PRKCE: variants seen among roughly 807,000 people sequenced by gnomAD.
PRKCE encodes the protein protein kinase C epsilon.
In PRKCE, 16 loss-of-function variants were observed where a neutral mutation model predicts 85.4. The observed-to-expected ratio is 0.19, with a 90% CI of 0.13 to 0.28. The LOEUF (loss-of-function observed/expected upper bound fraction) is 0.28. Among genes scored for constraint, PRKCE ranks in the 10% least tolerant of loss-of-function variants. PRKCE has a pLI of 1.00. For missense variants in PRKCE, 573 were observed against 975.2 expected, an observed-to-expected ratio of 0.59 and a Z score of 5.49; for synonymous variants, 388 against 371.5, an observed-to-expected ratio of 1.04 and a Z score of -0.51.
At chr2:45,712,911 G>A (rs1679788032) in intron 1 of PRKCE, among the ~76,000 whole-genome samples, 1 of 152,148 alleles carries the variant, frequency 6.6e-6, no homozygotes, top group Non-Finnish European at 1.5e-5. Flanking sequence ...CCTCTTTGAG[G>A]CTGAAAGTAT....
intron 1 of PRKCE, among the ~76,000 whole-genome samples, chr2:45,822,221 C>T (rs1240702032): frequency 2.0e-5 from 3 of 152,222 alleles, no homozygotes; most frequent in Admixed American, 6.5e-5. Context: ...CTAAATGTTC[C>T]TGTCACCTCC....
chr2:46,050,331 G>C (rs879860137), intron 10 of PRKCE, among the ~76,000 whole-genome samples: 1 of 152,252 alleles, frequency 6.6e-6, no homozygotes, highest in African/African-American at 2.4e-5. Flanking sequence ...GAAGCTGTCA[G>C]GGTTTATTTG....
rs1259680268 is a variant in PRKCE, at chr2:46,041,722, A to G, written c.1437+31205A>G. Among the ~76,000 whole-genome samples the G allele has an allele frequency of 2.6e-5, 4 of 152,238 alleles. No individual in the cohort carries two copies. Among genetic ancestry groups the G allele is most frequent in the African/African-American group, 7.2e-5 (3 of 41,458 alleles). On this transcript the variant is annotated intron_variant, in intron 10 of 14. Transcript: ENST00000306156. The surrounding 1 kb of genome is among the most constrained non-coding windows in gnomAD (Gnocchi z 5.5). ...TGAATACCTCTCCATATGCGTCATG[A>G]CAAAATACTGTATAGATCAGTTTAC... is the stretch of plus-strand genomic sequence containing the variant.
At chr2:45,922,703 G>A (rs1191831226) in intron 2 of PRKCE, among the ~76,000 whole-genome samples, 2 of 152,216 alleles carry the variant, frequency 1.3e-5, no homozygotes, top group South Asian at 2.1e-4. Context: ...CTTTAATAGA[G>A]ACGTGTGAGC....
chr2:46,082,912 T>A (rs1669230337), intron 10 of PRKCE, among the ~76,000 whole-genome samples: 2 of 152,200 alleles, frequency 1.3e-5, no homozygotes, highest in Non-Finnish European at 2.9e-5. Flanking sequence ...AATTTAACCT[T>A]CATGAGAATT....
intron 10 of PRKCE, among the ~76,000 whole-genome samples, chr2:46,062,668 CTTT>C (rs71394871): frequency 6.8e-5 from 5 of 73,258 alleles, no homozygotes; most frequent in Non-Finnish European, 1.2e-4. Flanking sequence ...AAAGCTCAGC[CTTT>C]TTTTTTTTTT....
chr2:45,781,088 T>C (rs1416901737), intron 1 of PRKCE, among the ~76,000 whole-genome samples: 2 of 152,068 alleles, frequency 1.3e-5, no homozygotes, highest in Non-Finnish European at 2.9e-5. Flanking sequence ...ATCCCAGCAC[T>C]TTGGGAGGCT....
At chr2:45,992,864 G>C (rs925715946) in intron 6 of PRKCE, among the ~76,000 whole-genome samples, 2 of 147,876 alleles carry the variant, frequency 1.4e-5, no homozygotes, top group African/African-American at 5.2e-5. Context: ...ACCCCAGTGT[G>C]TCCCCAGACA....
Position 45,661,539 on chromosome 2 carries a change from T to TG in PRKCE, c.348+9091_348+9092insG, listed in dbSNP as rs796601434. Among the ~76,000 whole-genome samples, 597 of 141,766 alleles carry TG rather than the reference T, an allele frequency of 4.2e-3. 3 individuals carry two copies. Among genetic ancestry groups the TG allele is most frequent in the African/African-American group, 0.014 (553 of 38,366 alleles). The allele number at this position is 141,766 out of a possible 152,430, so 93.0% of individuals were successfully genotyped here. A position where few individuals can be genotyped will look rare whatever the true frequency, so the allele number is the denominator to read the frequency against. ...TTGTTTTTTGTTTTTTGTTTTTTTT[T>TG]TTTTTTTTAGAAGGAGTCTCGCTCT... On this transcript the variant is annotated intron_variant, in intron 1 of 14. Coordinates refer to ENST00000306156, the MANE Select transcript of PRKCE (RefSeq NM_005400.3).
In PRKCE at chr2:45,976,450, G is replaced by A. The variant is rs776704604; in HGVS notation, c.434G>A (p.Arg145His). 24 of 1,599,666 alleles carry A rather than the reference G, an allele frequency of 1.5e-5. No homozygotes were observed. Among genetic ancestry groups the A allele is most frequent in the Admixed American group, 1.3e-4 (8 of 60,012 alleles). ...SGEAPKDNEE[R>H]VFRERMRPRK... The stretch of plus-strand genomic sequence containing the variant: ...CCAGCCCCTAAAGACAATGAAGAGC[G>A]TGTGTTCAGGGAACGCATGCGGCCG... Residue 145 changes from arginine to histidine, a missense_variant, in exon 3 of 15, where the codon CGT (arginine) becomes CAT (histidine). Physicochemically the swap from Arg to His is conservative, Grantham distance 29. Transcript: ENST00000306156.
Position 45,951,503 on chromosome 2 carries a change from A to G in PRKCE, c.413-24926A>G, listed in dbSNP as rs114874698. The stretch of plus-strand genomic sequence containing the variant: ...CCTGAGTCAAGGCTTCTCTGGGCCC[A>G]GAAAGACAGCCCTTTTGGCTTGGGG... On this transcript the variant is annotated intron_variant, in intron 2 of 14. Coordinates refer to ENST00000306156, the MANE Select transcript of PRKCE (RefSeq NM_005400.3). Among the ~76,000 whole-genome samples, 890 of 152,314 alleles carry G rather than the reference A, an allele frequency of 5.8e-3. 1 individual carries two copies. Among genetic ancestry groups the G allele is most frequent in the Non-Finnish European group, 9.7e-3 (663 of 68,028 alleles).
At chr2:45,734,397 C>G (rs958335331) in intron 1 of PRKCE, among the ~76,000 whole-genome samples, 1 of 151,866 alleles carries the variant, frequency 6.6e-6, no homozygotes, top group Non-Finnish European at 1.5e-5. Flanking sequence ...CTCTGAAATT[C>G]AGTTCCATGT....
At chr2:46,096,151 G>T (rs67694980) in intron 11 of PRKCE, among the ~76,000 whole-genome samples, 21,598 of 152,128 alleles carry the variant, frequency 0.14, 1,657 homozygotes, top group Middle Eastern at 0.23. Context: ...CTGAATCCTG[G>T]GTCTGCCTCA....
chr2:45,768,209 G>A (rs912996847), intron 1 of PRKCE, among the ~76,000 whole-genome samples: 2 of 144,152 alleles, frequency 1.4e-5, no homozygotes, highest in Non-Finnish European at 3.0e-5. Flanking sequence ...CATTTTCATA[G>A]CAGAAAGAAA....
chr2:45,669,866 C>A (rs1465009591), intron 1 of PRKCE, among the ~76,000 whole-genome samples: 2 of 152,030 alleles, frequency 1.3e-5, no homozygotes, highest in Non-Finnish European at 2.9e-5. Context: ...CAAAAATTAG[C>A]CAGGCATGGA....
At chr2:45,727,691 G>A (rs1681195793) in intron 1 of PRKCE, among the ~76,000 whole-genome samples, 1 of 152,138 alleles carries the variant, frequency 6.6e-6, no homozygotes, top group Non-Finnish European at 1.5e-5. Context: ...GTCTCGCTCT[G>A]TCACCCAGGC....
chr2:45,956,025 C>CT (rs1700953741), intron 2 of PRKCE, among the ~76,000 whole-genome samples: 1 of 152,216 alleles, frequency 6.6e-6, no homozygotes, highest in Non-Finnish European at 1.5e-5. Flanking sequence ...CCTATAACTG[C>CT]TTTTTCCAGA....
At chr2:46,151,279 C>CCACACACA (rs750604006) in intron 13 of PRKCE, 50 bp downstream of exon 13, 2 of 1,010,568 alleles carry the variant, frequency 2.0e-6, no homozygotes, top group Admixed American at 2.1e-5. Context: ...GCTCCTCCCC[C>CCACACACA]TACACACACA....
intron 1 of PRKCE, among the ~76,000 whole-genome samples, chr2:45,794,042 C>T (rs1156289847): frequency 6.6e-6 from 1 of 152,152 alleles, no homozygotes; most frequent in Non-Finnish European, 1.5e-5. Flanking sequence ...AAAACCTTGC[C>T]TTATTATCGT....
Sources: allele counts gnomAD v4.1 joint callset (sites outside exome capture counted in the v4.1 genomes callset), GRCh38; gene constraint gnomAD v4.1.1; non-coding constraint Gnocchi (gnomAD v3.1); transcripts MANE v1.5; gene names NCBI Gene and HGNC (gene_info 2026-07-23, HGNC 2026-07-21).